The following MAS1 variants were observed in gnomAD, a reference collection of about 807,000 sequenced individuals.
The protein encoded by MAS1 is MAS1 proto-oncogene, G protein-coupled receptor, also known as proto-oncogene Mas.
For synonymous variants in MAS1, 163 were observed against 164.2 expected (o/e 0.99, Z 0.05); for missense variants, 387 against 409.7 (o/e 0.94, Z 0.48).
At chr6:159,895,595 A>G (rs1782746472) in intron 1 of MAS1, among the ~76,000 whole-genome samples, 2 of 152,256 alleles carry the variant, frequency 1.3e-5, no homozygotes, top group South Asian at 4.1e-4. Flanking sequence ...ATCCATCAAA[A>G]AATACAAGTA....
intron 1 of MAS1, among the ~76,000 whole-genome samples, chr6:159,896,863 TTTG>T (rs1191359167): frequency 6.0e-4 from 51 of 84,964 alleles, no homozygotes; most frequent in East Asian, 2.7e-3. Context: ...GGTTTTTTTG[TTTG>T]TTTGTTTGTT....
intron 1 of MAS1, among the ~76,000 whole-genome samples, chr6:159,892,340 C>A (rs1782708676): frequency 6.6e-6 from 1 of 152,158 alleles, no homozygotes; most frequent in Non-Finnish European, 1.5e-5. Flanking sequence ...ACCTAGAAAT[C>A]CAGCCTAGGG....
Position 159,916,484 on chromosome 6 carries a change from A to G in MAS1, c.*8551A>G, listed in dbSNP as rs1174115750. On this transcript the variant is annotated 3_prime_UTR_variant, in exon 3 of 3. Transcript: ENST00000674077. ...TTCTTAAAAATGTTTCAGATGGTAA[A>G]TTTTATGTTATGTATATTTTACCAC... 1 of 152,170 alleles carries G rather than the reference A, an allele frequency of 6.6e-6. No homozygotes were observed. The highest frequency in any genetic ancestry group is 1.5e-5 in the Non-Finnish European group (1 of 68,030). The allele number at this position is 152,170 out of a possible 1,614,324, so 9.4% of individuals were successfully genotyped here. A position where few individuals can be genotyped will look rare whatever the true frequency, so the allele number is the denominator to read the frequency against.
intron 1 of MAS1, among the ~76,000 whole-genome samples, chr6:159,891,625 T>C (rs1462817458): frequency 6.6e-6 from 1 of 152,224 alleles, no homozygotes; most frequent in Non-Finnish European, 1.5e-5. Context: ...TTTCTTCATT[T>C]TTCCTTAGTG....
chr6:159,898,674 T>TCTTCCTCCTCCCTCTTCCTCCTCCTC lies in MAS1; in HGVS notation c.-243-511_-243-510insTTCCTCCTCCCTCTTCCTCCTCCTCC, dbSNP rs1782788941. 2.8e-5 allele frequency among the ~76,000 whole-genome samples: 3 copies of TCTTCCTCCTCCCTCTTCCTCCTCCTC among 106,882 alleles called. No homozygotes were observed. The East Asian group carries it at 8.5e-4, about 30-fold the overall frequency. 70.1% of individuals were successfully genotyped at this position (106,882 alleles called of 152,430 possible). A position where few individuals can be genotyped will look rare whatever the true frequency, so the allele number is the denominator to read the frequency against. ...CCTCCTCCTCCCTCCTCCTTCCTCT[T>TCTTCCTCCTCCCTCTTCCTCCTCCTC]CCTCCTCCTCCCTCTTCCTCCTCCT... On this transcript the variant is annotated intron_variant, in intron 1 of 2. Transcript: ENST00000674077.
rs1395523483 is a variant in MAS1 at position 159,913,125 on chromosome 6, G to A, written c.*5192G>A. 1.3e-5 allele frequency: 2 copies of A among 152,216 alleles called. No homozygotes were observed. Among genetic ancestry groups the A allele is most frequent in the Admixed American group, 6.5e-5 (1 of 15,290 alleles). The allele number at this position is 152,216 out of a possible 1,614,324, so 9.4% of individuals were successfully genotyped here. On this transcript the variant is annotated 3_prime_UTR_variant, in exon 3 of 3. Transcript: ENST00000674077. ...TGCCTGTAATCCCAGCACTTTGGGA[G>A]GCTGAGGTGAGCAGATCACCTGAGG...
At position 159,912,846 on chromosome 6, in the gene MAS1, A is replaced by G. The variant is rs1782979237; in HGVS notation, c.*4913A>G. ...AGAGGTGTCACAGAACTGCTAAAAT[A>G]CACTTCAACTATTGATAAAAGAGCA... is the stretch of plus-strand genomic sequence containing the variant. On this transcript the variant is annotated 3_prime_UTR_variant, in exon 3 of 3. Transcript: ENST00000674077. The G allele has an allele frequency of 6.6e-6, 1 of 152,216 alleles. No individual in the cohort carries two copies. Among genetic ancestry groups the G allele is most frequent in the South Asian group, 2.1e-4 (1 of 4,832 alleles). 9.4% of individuals were successfully genotyped at this position (152,216 alleles called of 1,614,324 possible).
rs543652111 is a variant in MAS1, at chr6:159,906,152, A to T, written c.-36-768A>T. Among the ~76,000 whole-genome samples the T allele has an allele frequency of 5.3e-5, 8 of 150,678 alleles. No homozygotes were observed. In the South Asian group the frequency reaches 8.5e-4, roughly 16 times the overall value. On this transcript the variant is annotated intron_variant, in intron 2 of 2. Coordinates refer to ENST00000674077, the MANE Select transcript of MAS1 (RefSeq NM_002377.4). The stretch of plus-strand genomic sequence containing the variant: ...GCATGCACACAAACTAGAAAAAAAA[A>T]TTTTTTTGAGTGCTTTGTCTGGCAT...
chr6:159,907,343 A>G lies in MAS1; in HGVS notation c.388A>G (p.Arg130Gly). The G allele has an allele frequency of 6.2e-7, 1 of 1,614,102 alleles. No individual in the cohort carries two copies. The highest frequency in any genetic ancestry group is 8.5e-7 in the Non-Finnish European group (1 of 1,180,026). ...LYLLTAISVE[R>G]CLSVLYPIWY... ...TCTGCTGACGGCCATTAGTGTGGAGAGGTGCCTGTCAGTCCTTTACCCCAT... is the reference window on the plus strand; with the variant it reads ...TCTGCTGACGGCCATTAGTGTGGAGGGGTGCCTGTCAGTCCTTTACCCCAT... The change falls in exon 3 of 3, where the codon AGG becomes GGG. Residue 130 changes from arginine to glycine, a missense_variant. Coordinates refer to ENST00000674077, the MANE Select transcript of MAS1 (RefSeq NM_002377.4).
rs1440106134 is a variant in MAS1, at chr6:159,913,984, A to G, written c.*6051A>G. ...AGGGTTGAATTGTTAAAGCAAATTC[A>G]GAGTGACTTACAGATCTTACCCAAC... On this transcript the variant is annotated 3_prime_UTR_variant, in exon 3 of 3. Coordinates refer to ENST00000674077, the MANE Select transcript of MAS1 (RefSeq NM_002377.4). 2 of 152,240 alleles carry G rather than the reference A, an allele frequency of 1.3e-5. No individual in the cohort carries two copies. Among genetic ancestry groups the G allele is most frequent in the South Asian group, 4.1e-4 (2 of 4,834 alleles). 9.4% of individuals were successfully genotyped at this position (152,240 alleles called of 1,614,324 possible). A position where few individuals can be genotyped will look rare whatever the true frequency, so the allele number is the denominator to read the frequency against.
rs939779068 is a variant in MAS1, at chr6:159,914,361, C to G, written c.*6428C>G. The G allele has an allele frequency of 6.6e-6, 1 of 152,114 alleles. No individual in the cohort carries two copies. The highest frequency in any genetic ancestry group is 2.4e-5 in the African/African-American group (1 of 41,410). 9.4% of individuals were successfully genotyped at this position (152,114 alleles called of 1,614,324 possible). A position where few individuals can be genotyped will look rare whatever the true frequency, so the allele number is the denominator to read the frequency against. Reference sequence around the variant, plus strand: ...CACCTCTGACAGTTTTTTAAGGGTTCTTGGTGGTGTCAGAGCTTTGCTACT... The same window carrying G: ...CACCTCTGACAGTTTTTTAAGGGTTGTTGGTGGTGTCAGAGCTTTGCTACT... On this transcript the variant is annotated 3_prime_UTR_variant, in exon 3 of 3. Transcript: ENST00000674077.
chr6:159,890,613 G>A (rs1782687183), upstream of MAS1, among the ~76,000 whole-genome samples: 1 of 152,300 alleles, frequency 6.6e-6, no homozygotes, highest in Non-Finnish European at 1.5e-5. Context: ...ATCATTACTA[G>A]GTTTTGAGTT....
At chr6:159,896,034 C>G (rs938148524) in intron 1 of MAS1, among the ~76,000 whole-genome samples, 9 of 152,202 alleles carry the variant, frequency 5.9e-5, no homozygotes, top group African/African-American at 2.2e-4. Flanking sequence ...GAAAGCTGGG[C>G]ACAGAGGCTC....
Position 159,916,419 on chromosome 6 carries a change from T to G in MAS1, c.*8486T>G, listed in dbSNP as rs1172044099. On this transcript the variant is annotated 3_prime_UTR_variant, in exon 3 of 3. Transcript: ENST00000674077. ...AGATGAAAATGTTCTGGGGATCTAT[T>G]GCACAACAATGGACATGTAGCTAAC... 6.6e-6 allele frequency: 1 copy of G among 152,216 alleles called. No individual in the cohort carries two copies. Among genetic ancestry groups the G allele is most frequent in the African/African-American group, 2.4e-5 (1 of 41,456 alleles). 9.4% of individuals were successfully genotyped at this position (152,216 alleles called of 1,614,324 possible). A position where few individuals can be genotyped will look rare whatever the true frequency, so the allele number is the denominator to read the frequency against.
chr6:159,894,534 G>A (rs1782733719), intron 1 of MAS1, among the ~76,000 whole-genome samples: 1 of 151,998 alleles, frequency 6.6e-6, no homozygotes, highest in Non-Finnish European at 1.5e-5. Flanking sequence ...AGCAGGAGGA[G>A]AGCCAGAGGG....
chr6:159,916,859 C>T lies in MAS1; in HGVS notation c.*8926C>T, dbSNP rs776749112. On this transcript the variant is annotated 3_prime_UTR_variant, in exon 3 of 3. Coordinates refer to ENST00000674077, the MANE Select transcript of MAS1 (RefSeq NM_002377.4). ...AACTCTGTGGGTGTGTGAAAGCAGACACTGCTTAGATGAACGAGGATGGCG... is the reference window on the plus strand; with the variant it reads ...AACTCTGTGGGTGTGTGAAAGCAGATACTGCTTAGATGAACGAGGATGGCG... Among the ~76,000 whole-genome samples the T allele has an allele frequency of 1.1e-4, 17 of 152,236 alleles. No homozygotes were observed. Among genetic ancestry groups the T allele is most frequent in the Non-Finnish European group, 1.8e-4 (12 of 68,042 alleles).
At chr6:159,897,849 A>T (rs1782770996) in intron 1 of MAS1, among the ~76,000 whole-genome samples, 1 of 152,204 alleles carries the variant, frequency 6.6e-6, no homozygotes, top group Non-Finnish European at 1.5e-5. Flanking sequence ...CTTCACATGC[A>T]GAGACCACAT....
In MAS1 at chr6:159,916,949, ATTCT is replaced by A. The variant is rs1471297963; in HGVS notation, c.*9023_*9026del. ...TTCATGTAATTTTCATGTCATAGAA[ATTCT>A]TTCTTTTCCCCTTCAACCATTTAAA... is the stretch of plus-strand genomic sequence containing the variant. On this transcript the variant is annotated 3_prime_UTR_variant, in exon 3 of 3. Coordinates refer to ENST00000674077, the MANE Select transcript of MAS1 (RefSeq NM_002377.4). Among the ~76,000 whole-genome samples, 1 of 152,262 alleles carries A rather than the reference ATTCT, an allele frequency of 6.6e-6. No homozygotes were observed.
upstream of MAS1, among the ~76,000 whole-genome samples, chr6:159,889,746 G>T (rs1170630120): frequency 6.6e-6 from 1 of 152,192 alleles, no homozygotes; most frequent in East Asian, 1.9e-4. Flanking sequence ...GAGTTCACCT[G>T]GTCTGTTGAT....
Sources: gnomAD v4.1 joint callset for allele counts (sites outside exome capture counted in the v4.1 genomes callset) on GRCh38, gnomAD v4.1.1 for gene constraint, MANE v1.5 for transcripts, NCBI Gene and HGNC (gene_info 2026-07-23, HGNC 2026-07-21) for gene names.